Variants in PAPPA2 observed in about 807,000 individuals in gnomAD.
PAPPA2 encodes the protein pappalysin 2.
Under a neutral mutation model 176.4 loss-of-function variants are expected in PAPPA2, and 86 were observed. The ratio of observed to expected loss-of-function variants is 0.49; its 90% CI spans 0.41 to 0.58. The LOEUF is 0.58. PAPPA2 is among the 20% of genes least tolerant of loss of function. The pLI is 0.00. For missense variants in PAPPA2, 2,073 were observed against 2,256.9 expected (o/e 0.92, Z 1.65); for synonymous variants, 809 against 852.2 (o/e 0.95, Z 0.88).
intron 20 of PAPPA2, among the ~76,000 whole-genome samples, chr1:176,796,186 A>G (rs1238850001): frequency 1.3e-5 from 2 of 152,154 alleles, no homozygotes; most frequent in Non-Finnish European, 2.9e-5. Context: ...CTTTTTCATC[A>G]TTTTTAAGCA....
At chr1:176,712,013 T>C (rs1184233994) in intron 12 of PAPPA2, 32 bp downstream of exon 12, 1 of 1,597,356 alleles carries the variant, frequency 6.3e-7, no homozygotes, top group Non-Finnish European at 8.6e-7. Context: ...TTTGTGCATG[T>C]GAAAGGTGTA....
At chr1:176,598,864 G>T (rs971329098) in intron 3 of PAPPA2, among the ~76,000 whole-genome samples, 4 of 152,024 alleles carry the variant, frequency 2.6e-5, no homozygotes, top group African/African-American at 9.7e-5. Context: ...TTTTGGGGGG[G>T]TTAGAGCTAC....
rs115427144 is a variant in PAPPA2 at position 176,529,237 on chromosome 1, G to A, written c.-916-26170G>A. Among the ~76,000 whole-genome samples the A allele has an allele frequency of 4.0e-3, 607 of 152,164 alleles. 5 individuals are homozygous for A. The highest frequency in any genetic ancestry group is 0.014 in the African/African-American group (588 of 41,526). On this transcript the variant is annotated intron_variant, in intron 1 of 22. Transcript: ENST00000367662. ...AAAATCAGGTGGGAAAAAAAGAGACGATAGAAATAGAGGTGAGAGAGTGCA... is the reference window on the plus strand; with the variant it reads ...AAAATCAGGTGGGAAAAAAAGAGACAATAGAAATAGAGGTGAGAGAGTGCA...
intron 14 of PAPPA2, among the ~76,000 whole-genome samples, chr1:176,758,826 T>C (rs1166585278): frequency 6.6e-6 from 1 of 152,184 alleles, no homozygotes; most frequent in Non-Finnish European, 1.5e-5. Flanking sequence ...ATCCTGCCTG[T>C]TCATGGGTTT....
intron 1 of PAPPA2, among the ~76,000 whole-genome samples, chr1:176,538,606 T>C (rs1370170539): frequency 2.0e-5 from 3 of 150,988 alleles, no homozygotes; most frequent in African/African-American, 7.3e-5. Flanking sequence ...ATAACCTTTC[T>C]CCGTTTCTTT....
At position 176,770,956 on chromosome 1, in the gene PAPPA2, C is replaced by T. The variant is rs1398075518; in HGVS notation, c.4502-11C>T. ...TTCTGAGCATCTTGTGCTTCTCTTT[C>T]CTGGAGTCAGGACTGAGCCCATGGC... On this transcript the variant is annotated splice_polypyrimidine_tract_variant and intron_variant, in intron 16 of 22. Coordinates refer to ENST00000367662, the MANE Select transcript of PAPPA2 (RefSeq NM_020318.3). The T allele has an allele frequency of 6.2e-7, 1 of 1,612,780 alleles. No individual in the cohort carries two copies. The highest frequency in any genetic ancestry group is 1.1e-5 in the South Asian group (1 of 91,032).
In PAPPA2 at chr1:176,594,510, TC is replaced by T. The variant is rs1201210000; in HGVS notation, c.920-12del. Reference sequence around the variant, plus strand: ...GGTATCTGTCTCTTCCCTCGATTCTTCCTTCTTTCCCAGGTGTGTTTGATAA... The same window carrying T: ...GGTATCTGTCTCTTCCCTCGATTCTTCTTCTTTCCCAGGTGTGTTTGATAA... On this transcript the variant is annotated splice_polypyrimidine_tract_variant and intron_variant, in intron 2 of 22. Transcript: ENST00000367662. 2.5e-6 allele frequency: 4 copies of T among 1,602,454 alleles called. No homozygotes were observed. The African/African-American group carries it at 5.4e-5, about 21-fold the overall frequency.
At chr1:176,577,545 A>G (rs1217424577) in intron 2 of PAPPA2, among the ~76,000 whole-genome samples, 1 of 152,146 alleles carries the variant, frequency 6.6e-6, no homozygotes, top group Non-Finnish European at 1.5e-5. Flanking sequence ...CTTAGAGGAA[A>G]GTTATCTAGA....
chr1:176,556,674 C>G lies in PAPPA2; in HGVS notation c.352C>G (p.Leu118Val). 3.1e-6 allele frequency: 5 copies of G among 1,614,152 alleles called. No homozygotes were observed. The highest frequency in any genetic ancestry group is 3.4e-6 in the Non-Finnish European group (4 of 1,180,000). The stretch of plus-strand genomic sequence containing the variant: ...AGACCTGACTGAAAATCCAGCAGGA[C>G]TGAGGGGTGCAGTTGAAGAGCCGGC... The part of the protein sequence containing the change: ...PPDLTENPAG[L>V]RGAVEEPAAP... The change falls in exon 2 of 23, where the codon CTG becomes GTG. Residue 118 changes from leucine to valine, a missense_variant. Physicochemically the swap from Leu to Val is conservative, Grantham distance 32. Transcript: ENST00000367662.
Position 176,769,797 on chromosome 1 carries a change from C to T in PAPPA2, c.4501+13C>T. The T allele has an allele frequency of 6.3e-7, 1 of 1,578,318 alleles. No homozygotes were observed. The highest frequency in any genetic ancestry group is 2.2e-5 in the East Asian group (1 of 44,464). ...GCCAAGCTGCAAGGTATTGTCTGGT[C>T]AACCAGGAACTGTATGCAAGTTCTC... is the stretch of plus-strand genomic sequence containing the variant. On this transcript the variant is annotated intron_variant, in intron 16 of 22. Transcript: ENST00000367662.
intron 12 of PAPPA2, among the ~76,000 whole-genome samples, chr1:176,734,704 T>G (rs531333949): frequency 3.2e-4 from 48 of 152,198 alleles, no homozygotes; most frequent in South Asian, 2.1e-4. Context: ...ATTTCAGAAG[T>G]CCACACAGAT....
intron 3 of PAPPA2, among the ~76,000 whole-genome samples, chr1:176,613,779 A>G (rs1400382210): frequency 6.6e-6 from 1 of 152,188 alleles, no homozygotes; most frequent in Non-Finnish European, 1.5e-5. Context: ...TGAAGAGGGT[A>G]TGAAGAAAAA....
rs761246096 is a variant in PAPPA2 at position 176,740,218 on chromosome 1, T to C, written c.4151+22T>C. On this transcript the variant is annotated intron_variant, in intron 14 of 22. Transcript: ENST00000367662. Reference sequence around the variant, plus strand: ...AGAGGTACAAACTTCCCTTTCTTTCTTTTGTTTCCTTTTCTTGTGGCTCTA... The same window carrying C: ...AGAGGTACAAACTTCCCTTTCTTTCCTTTGTTTCCTTTTCTTGTGGCTCTA... 19 of 1,596,960 alleles carry C rather than the reference T, an allele frequency of 1.2e-5. No individual in the cohort carries two copies. In the Admixed American group the frequency reaches 3.0e-4, roughly 26 times the overall value.
At chr1:176,738,446 A>G (rs1217327642) in intron 12 of PAPPA2, among the ~76,000 whole-genome samples, 1 of 152,128 alleles carries the variant, frequency 6.6e-6, no homozygotes, top group East Asian at 1.9e-4. Context: ...TCTGTGGACA[A>G]GGAAGAATTC....
intron 2 of PAPPA2, among the ~76,000 whole-genome samples, chr1:176,577,417 A>G (rs879470344): frequency 3.3e-5 from 5 of 152,180 alleles, no homozygotes; most frequent in African/African-American, 9.7e-5. Context: ...CTGTAATGAG[A>G]AGGTGAAAAA....
At chr1:176,647,366 T>C (rs1657454090) in intron 3 of PAPPA2, among the ~76,000 whole-genome samples, 1 of 151,786 alleles carries the variant, frequency 6.6e-6, no homozygotes, top group African/African-American at 2.4e-5. Context: ...GTGGGTTATC[T>C]CTTCACTTTG....
rs570276582 is a variant in PAPPA2 at position 176,622,831 on chromosome 1, A to C, written c.1991+27236A>C. Reference sequence around the variant, plus strand: ...TGCTACAACAAAATACATTAGACTGAGTAATTTATAAACAATAGAAATTTA... The same window carrying C: ...TGCTACAACAAAATACATTAGACTGCGTAATTTATAAACAATAGAAATTTA... On this transcript the variant is annotated intron_variant, in intron 3 of 22. Coordinates refer to ENST00000367662, the MANE Select transcript of PAPPA2 (RefSeq NM_020318.3). Among the ~76,000 whole-genome samples, 9 of 152,328 alleles carry C rather than the reference A, an allele frequency of 5.9e-5. No homozygotes were observed. In the East Asian group the frequency reaches 1.5e-3, roughly 26 times the overall value.
In PAPPA2 at chr1:176,690,272, G is replaced by A. The variant is rs1660047389; in HGVS notation, c.2273G>A (p.Cys758Tyr). The A allele has an allele frequency of 6.2e-7, 1 of 1,614,096 alleles. No homozygotes were observed. The highest frequency in any genetic ancestry group is 1.1e-5 in the South Asian group (1 of 91,070). ...GAAAGAGAATCCTGCAATGACCCCT[G>A]CAAGGAGACAGTGCCATCCATGGAA... ...VSERESCNDP[C>Y]KETVPSMETG... is the part of the protein sequence containing the mutation. The change falls in exon 5 of 23, where the codon TGC becomes TAC. Residue 758 changes from cysteine (C) to tyrosine (Y), a missense_variant. Cys to Tyr is a radical substitution (Grantham distance 194, BLOSUM62 -2). Coordinates refer to ENST00000367662, the MANE Select transcript of PAPPA2 (RefSeq NM_020318.3).
chr1:176,650,188 A>G (rs919477850), intron 3 of PAPPA2, among the ~76,000 whole-genome samples: 4 of 151,392 alleles, frequency 2.6e-5, no homozygotes, highest in Non-Finnish European at 5.9e-5. Flanking sequence ...TTTGTAGTAT[A>G]TTTAATCTGA....
Sources: allele counts gnomAD v4.1 joint callset (sites outside exome capture counted in the v4.1 genomes callset), GRCh38; gene constraint gnomAD v4.1.1; transcripts MANE v1.5; gene names NCBI Gene and HGNC (gene_info 2026-07-23, HGNC 2026-07-21).